EPHA5: variants seen among roughly 807,000 people sequenced by gnomAD.
EPHA5 encodes the protein EPH receptor A5.
EPHA5 carries 60 observed loss-of-function variants against 105.0 expected under a neutral mutation model. The ratio of observed to expected loss-of-function variants is 0.57; its 90% CI spans 0.46 to 0.71. The LOEUF is 0.71. EPHA5 is among the 30% of genes least tolerant of loss of function. The pLI, the probability that EPHA5 is intolerant of heterozygous loss-of-function variation, is 0.00. For synonymous variants in EPHA5, 513 were observed against 449.1 expected (o/e 1.14, Z -1.80); for missense variants, 1,218 against 1,274.7 (o/e 0.96, Z 0.68).
At chr4:65,462,136 G>A (rs9991256) in intron 5 of EPHA5, among the ~76,000 whole-genome samples, 19,559 of 151,942 alleles carry the variant, frequency 0.13, 1,783 homozygotes, top group East Asian at 0.4. Flanking sequence ...GTTGATTTCC[G>A]AATTATCATC....
At chr4:65,434,355 T>A (rs1236042505) in intron 5 of EPHA5, among the ~76,000 whole-genome samples, 1 of 152,168 alleles carries the variant, frequency 6.6e-6, no homozygotes, top group Admixed American at 6.6e-5. Flanking sequence ...TCTACATATA[T>A]CCTGGTTTTC....
intron 8 of EPHA5, among the ~76,000 whole-genome samples, chr4:65,374,081 T>G (rs1043906452): frequency 6.6e-6 from 1 of 151,910 alleles, no homozygotes; most frequent in African/African-American, 2.4e-5. Context: ...CAATTCAAAA[T>G]TGGTTGTTTG....
chr4:65,321,285 T>C lies in EPHA5; in HGVS notation c.*2829A>G. 4.3e-6 allele frequency: 1 copy of C among 230,174 alleles called. No individual in the cohort carries two copies. The highest frequency in any genetic ancestry group is 8.6e-6 in the Non-Finnish European group (1 of 116,164). The allele number at this position is 230,174 out of a possible 1,614,324, so 14.3% of individuals were successfully genotyped here. A position where few individuals can be genotyped will look rare whatever the true frequency, so the allele number is the denominator to read the frequency against. On this transcript the variant is annotated 3_prime_UTR_variant, in exon 17 of 17. Coordinates refer to ENST00000613740, the MANE Select transcript of EPHA5 (RefSeq NM_001281766.3). ...CTGTGCTTTATTTTTGGTAGTCTGG[T>C]GGGTGACAAAATGAATCAACAGAAT...
chr4:65,408,581 A>G (rs1026207584), intron 7 of EPHA5, among the ~76,000 whole-genome samples: 1 of 152,154 alleles, frequency 6.6e-6, no homozygotes, highest in African/African-American at 2.4e-5. Flanking sequence ...CAAAAAACAC[A>G]TGAAAAAATG....
At chr4:65,594,409 G>A (rs989925009) in intron 3 of EPHA5, among the ~76,000 whole-genome samples, 1 of 152,008 alleles carries the variant, frequency 6.6e-6, no homozygotes, top group African/African-American at 2.4e-5. Flanking sequence ...GTAACAATAT[G>A]GAACATGTCA....
At chr4:65,425,027 T>A (rs1312365881) in intron 5 of EPHA5, among the ~76,000 whole-genome samples, 1 of 152,054 alleles carries the variant, frequency 6.6e-6, no homozygotes, top group Non-Finnish European at 1.5e-5. Flanking sequence ...AATCAAGTAT[T>A]GGTTACTTGT....
chr4:65,652,711 C>A (rs997189665), intron 1 of EPHA5, among the ~76,000 whole-genome samples: 5 of 152,034 alleles, frequency 3.3e-5, no homozygotes, highest in African/African-American at 9.7e-5. Flanking sequence ...GTTACAGAAG[C>A]CAGCATCACC....
intron 7 of EPHA5, among the ~76,000 whole-genome samples, chr4:65,413,208 A>T (rs1045522562): frequency 6.6e-6 from 1 of 152,120 alleles, no homozygotes; most frequent in South Asian, 2.1e-4. Context: ...TAGAAGTTCA[A>T]ATTTCAGTAG....
intron 3 of EPHA5, among the ~76,000 whole-genome samples, chr4:65,551,379 G>C (rs1737908227): frequency 1.3e-5 from 2 of 151,476 alleles, no homozygotes; most frequent in Admixed American, 6.6e-5. Context: ...ATTACCCTAA[G>C]GGAATAGTGT....
At chr4:65,366,726 T>G (rs1248784600) in intron 9 of EPHA5, among the ~76,000 whole-genome samples, 4 of 151,942 alleles carry the variant, frequency 2.6e-5, no homozygotes, top group Non-Finnish European at 5.9e-5. Flanking sequence ...TTTTGACATT[T>G]AAGATGGCGG....
rs998833513 is a variant in EPHA5 at position 65,488,022 on chromosome 4, A to G, written c.1402+2355T>C. ...GTTTTGGGTAGGTTTGCAAAATGTTACAGTGTATACAGTGAGAAGTCTAAC... is the reference window on the plus strand; with the variant it reads ...GTTTTGGGTAGGTTTGCAAAATGTTGCAGTGTATACAGTGAGAAGTCTAAC... On this transcript the variant is annotated intron_variant, in intron 5 of 16. Transcript: ENST00000613740. Among the ~76,000 whole-genome samples, 4 of 152,196 alleles carry G rather than the reference A, an allele frequency of 2.6e-5. No homozygotes were observed. The East Asian group carries it at 5.8e-4, about 22-fold the overall frequency.
intron 5 of EPHA5, among the ~76,000 whole-genome samples, chr4:65,453,564 C>G (rs751845565): frequency 5.9e-5 from 9 of 152,100 alleles, no homozygotes; most frequent in Non-Finnish European, 1.2e-4. Context: ...CATTAAGAAG[C>G]AAAGTAGCAG....
chr4:65,566,444 T>A (rs1739542184), intron 3 of EPHA5, among the ~76,000 whole-genome samples: 1 of 151,808 alleles, frequency 6.6e-6, no homozygotes, highest in Middle Eastern at 3.2e-3. Context: ...CCATATCAAT[T>A]TTTTCAAGAA....
At chr4:65,435,598 CTG>C (rs1178234442) in intron 5 of EPHA5, among the ~76,000 whole-genome samples, 3 of 152,038 alleles carry the variant, frequency 2.0e-5, no homozygotes, top group Non-Finnish European at 4.4e-5. Flanking sequence ...AGATGTTGCA[CTG>C]TCTTTTTCTT....
intron 3 of EPHA5, among the ~76,000 whole-genome samples, chr4:65,524,546 C>A (rs1455411103): frequency 6.6e-6 from 1 of 151,670 alleles, no homozygotes; most frequent in African/African-American, 2.4e-5. Flanking sequence ...ATTCCAACAT[C>A]CCTGTTTAGA....
At chr4:65,547,632 T>C (rs1737510188) in intron 3 of EPHA5, among the ~76,000 whole-genome samples, 1 of 152,058 alleles carries the variant, frequency 6.6e-6, no homozygotes, top group Admixed American at 6.6e-5. Flanking sequence ...CCAAGGAAAA[T>C]TGTAAAACCA....
At chr4:65,574,155 A>T (rs1327094320) in intron 3 of EPHA5, 3 of 1,607,364 alleles carry the variant, frequency 1.9e-6, no homozygotes, top group Non-Finnish European at 1.7e-6. Context: ...GGAAGGTGAG[A>T]TCTTCGACAC....
intron 3 of EPHA5, among the ~76,000 whole-genome samples, chr4:65,599,917 A>T (rs1351338891): frequency 6.6e-6 from 1 of 152,124 alleles, no homozygotes; most frequent in East Asian, 1.9e-4. Flanking sequence ...TCTCATCGAC[A>T]ATCAAAATGC....
In EPHA5 at chr4:65,562,378, C is replaced by A. The variant is rs1041866838; in HGVS notation, c.910+39263G>T. Among the ~76,000 whole-genome samples, 4 of 151,972 alleles carry A rather than the reference C, an allele frequency of 2.6e-5. No homozygotes were observed. The East Asian group carries it at 5.8e-4, about 22-fold the overall frequency. On this transcript the variant is annotated intron_variant, in intron 3 of 16. Coordinates refer to ENST00000613740, the MANE Select transcript of EPHA5 (RefSeq NM_001281766.3). ...GCACATTTTGGAGACGTTTAGGGTTCTCCAAAATGACCATAAATATTTGCA... is the reference window on the plus strand; with the variant it reads ...GCACATTTTGGAGACGTTTAGGGTTATCCAAAATGACCATAAATATTTGCA...
Sources: gnomAD v4.1 joint callset for allele counts (sites outside exome capture counted in the v4.1 genomes callset) on GRCh38, gnomAD v4.1.1 for gene constraint, MANE v1.5 for transcripts, NCBI Gene and HGNC (gene_info 2026-07-23, HGNC 2026-07-21) for gene names.